ZMIZ1: variants seen among roughly 807,000 people sequenced by gnomAD.
The protein encoded by ZMIZ1 is zinc finger MIZ domain-containing protein 1.
Under a neutral mutation model 113.9 loss-of-function variants are expected in ZMIZ1, and 17 were observed. The observed-to-expected ratio is 0.15, with a 90% confidence interval of 0.10 to 0.22. The LOEUF is 0.22. Among genes scored for constraint, ZMIZ1 ranks in the 10% least tolerant of loss-of-function variants. The pLI is 1.00. For synonymous variants in ZMIZ1, 607 were observed against 603.1 expected, an observed-to-expected ratio of 1.01 and a Z score of -0.09; for missense variants, 1,059 against 1,477.8, an observed-to-expected ratio of 0.72 and a Z score of 4.65.
intron 7 of ZMIZ1, among the ~76,000 whole-genome samples, chr10:79,229,204 G>A (rs1335520828): frequency 2.6e-5 from 4 of 152,222 alleles, no homozygotes; most frequent in African/African-American, 9.6e-5. Context: ...GCAACCAGGT[G>A]TTTGTGTTTT....
In ZMIZ1 at chr10:79,157,404, G is replaced by T. The variant is rs199864509; in HGVS notation, c.-130-4649G>T. Among the ~76,000 whole-genome samples the T allele has an allele frequency of 1.7e-4, 23 of 132,588 alleles. No individual in the cohort carries two copies. In the East Asian group the frequency reaches 4.5e-3, roughly 26 times the overall value. The allele number at this position is 132,588 out of a possible 152,430, so 87.0% of individuals were successfully genotyped here. On this transcript the variant is annotated intron_variant, in intron 3 of 24. Coordinates refer to ENST00000334512, the MANE Select transcript of ZMIZ1 (RefSeq NM_020338.4). Reference sequence around the variant, plus strand: ...GTGTGTGTGTGTGTGTGTGTGTGTGGTCAGTTGGCAGCAAGTGTGAACAGC... The same window carrying T: ...GTGTGTGTGTGTGTGTGTGTGTGTGTTCAGTTGGCAGCAAGTGTGAACAGC...
At chr10:79,089,036 T>G (rs1478018492) in intron 1 of ZMIZ1, among the ~76,000 whole-genome samples, 2 of 152,226 alleles carry the variant, frequency 1.3e-5, no homozygotes, top group Non-Finnish European at 2.9e-5. Flanking sequence ...GCTTGATTTT[T>G]CTTTTCTGGT....
intron 7 of ZMIZ1, among the ~76,000 whole-genome samples, chr10:79,274,551 C>T (rs955687198): frequency 2.6e-5 from 4 of 152,206 alleles, no homozygotes; most frequent in Non-Finnish European, 5.9e-5. Context: ...CCCACGTTTG[C>T]CTCAGAACAA....
At chr10:79,274,657 T>C (rs942029308) in intron 7 of ZMIZ1, among the ~76,000 whole-genome samples, 2 of 152,052 alleles carry the variant, frequency 1.3e-5, no homozygotes, top group Non-Finnish European at 2.9e-5. Flanking sequence ...GCCTCGGGGG[T>C]GAGGGGTGGT....
At chr10:79,305,625 C>T (rs751954539) in intron 21 of ZMIZ1, 24 bp downstream of exon 21, 33 of 1,607,808 alleles carry the variant, frequency 2.1e-5, no homozygotes, top group Middle Eastern at 1.6e-4. Flanking sequence ...TAGCGAGGGG[C>T]AGGGGGTGGG....
intron 4 of ZMIZ1, among the ~76,000 whole-genome samples, chr10:79,169,580 A>C (rs1448201145): frequency 6.6e-6 from 1 of 152,222 alleles, no homozygotes; most frequent in African/African-American, 2.4e-5. Context: ...AGACACCTCC[A>C]TTGCTGGAGA....
At chr10:79,090,020 T>G (rs897984359) in intron 1 of ZMIZ1, among the ~76,000 whole-genome samples, 2 of 152,214 alleles carry the variant, frequency 1.3e-5, no homozygotes, top group Non-Finnish European at 2.9e-5. Context: ...TTTTAAGGCT[T>G]CTGCAACCAG....
intron 2 of ZMIZ1, among the ~76,000 whole-genome samples, chr10:79,130,095 T>C (rs1405771228): frequency 1.3e-5 from 2 of 152,168 alleles, no homozygotes; most frequent in African/African-American, 4.8e-5. Flanking sequence ...CATCCAACAG[T>C]TGATTAGGCC....
chr10:79,238,733 C>A (rs922562484), intron 7 of ZMIZ1, among the ~76,000 whole-genome samples: 1 of 152,214 alleles, frequency 6.6e-6, no homozygotes, highest in Non-Finnish European at 1.5e-5. Context: ...ATTGCCAAGT[C>A]ATTTAAACCC....
chr10:79,078,086 C>T (rs1842534236), intron 1 of ZMIZ1, among the ~76,000 whole-genome samples: 1 of 152,242 alleles, frequency 6.6e-6, no homozygotes, highest in African/African-American at 2.4e-5. Context: ...AACCCAAGTA[C>T]ATTGTAATTC....
At chr10:79,311,290 TG>T in intron 24 of ZMIZ1, 106 bp downstream of exon 24, 1 of 102,696 alleles carries the variant, frequency 9.7e-6, no homozygotes, top group Non-Finnish European at 1.8e-5. Context: ...AGGGAGGAGG[TG>T]GGTGGGCGGT....
At chr10:79,160,768 T>C (rs1174921680) in intron 3 of ZMIZ1, among the ~76,000 whole-genome samples, 1 of 152,230 alleles carries the variant, frequency 6.6e-6, no homozygotes, top group Non-Finnish European at 1.5e-5. Flanking sequence ...TTGGCGTGTA[T>C]GGAGGCCTAT....
At chr10:79,295,578 TGGTG>T (rs1478070419) in intron 12 of ZMIZ1, 1 of 152,234 alleles carries the variant, frequency 6.6e-6, no homozygotes, top group Admixed American at 6.5e-5. Flanking sequence ...ATACCTCCTG[TGGTG>T]GGTGCCTCAC....
chr10:79,247,411 G>C (rs1850273582), intron 7 of ZMIZ1, among the ~76,000 whole-genome samples: 1 of 152,222 alleles, frequency 6.6e-6, no homozygotes, highest in African/African-American at 2.4e-5. Context: ...GCACAGAGCT[G>C]GGAGCTACCC....
At chr10:79,251,315 G>T (rs1388071944) in intron 7 of ZMIZ1, among the ~76,000 whole-genome samples, 1 of 152,162 alleles carries the variant, frequency 6.6e-6, no homozygotes, top group East Asian at 1.9e-4. Flanking sequence ...GCTGTGGGAG[G>T]ATTAAAGAGC....
chr10:79,203,534 G>C (rs1054861472), intron 5 of ZMIZ1, among the ~76,000 whole-genome samples: 1 of 152,032 alleles, frequency 6.6e-6, no homozygotes, highest in East Asian at 1.9e-4. Context: ...CAGGGGCCCC[G>C]CCCTCCAATG....
intron 2 of ZMIZ1, among the ~76,000 whole-genome samples, chr10:79,130,677 C>T (rs1449263683): frequency 5.9e-5 from 9 of 152,084 alleles, no homozygotes; most frequent in Non-Finnish European, 1.0e-4. Flanking sequence ...CCATCACTGA[C>T]TAACCGTGTG....
chr10:79,305,250 G>T lies in ZMIZ1; in HGVS notation c.2354+19G>T. On this transcript the variant is annotated intron_variant, in intron 20 of 24. Transcript: ENST00000334512. ...TGTGCAAGTGAGTGATGCCCACCCC[G>T]GTGGGGGCTTCCCCCATCCCCCAAC... 2 of 1,613,514 alleles carry T rather than the reference G, an allele frequency of 1.2e-6. No individual in the cohort carries two copies. The highest frequency in any genetic ancestry group is 1.7e-6 in the Non-Finnish European group (2 of 1,179,730).
intron 3 of ZMIZ1, among the ~76,000 whole-genome samples, chr10:79,140,339 G>A (rs956959399): frequency 1.3e-5 from 2 of 152,184 alleles, no homozygotes; most frequent in Non-Finnish European, 1.5e-5. Flanking sequence ...TTCAGACCAC[G>A]AGAACAAGGC....
Sources: gnomAD v4.1 joint callset for allele counts (sites outside exome capture counted in the v4.1 genomes callset) on GRCh38, gnomAD v4.1.1 for gene constraint, MANE v1.5 for transcripts, NCBI Gene and HGNC (gene_info 2026-07-23, HGNC 2026-07-21) for gene names.